The following MARCO variants were observed in gnomAD, a reference collection of about 807,000 sequenced individuals.
The protein encoded by MARCO is macrophage receptor MARCO.
A neutral mutation model predicts 70.0 loss-of-function variants in MARCO; 72 were observed. The observed-to-expected ratio is 1.03, with a 90% CI of 0.85 to 1.25. The LOEUF (loss-of-function observed/expected upper bound fraction) is 1.25. Among genes scored for constraint, MARCO ranks in the 50% most tolerant of loss-of-function variants. The probability of loss-of-function intolerance (pLI) is 0.00; values close to 1 mark genes in which losing one functional copy is unlikely to be tolerated. For missense variants in MARCO, 696 were observed against 659.3 expected, an observed-to-expected ratio of 1.06 and a Z score of -0.61; for synonymous variants, 273 against 243.1, an observed-to-expected ratio of 1.12 and a Z score of -1.14.
At chr2:118,993,797 G>A (rs1680669705) in intron 16 of MARCO, among the ~76,000 whole-genome samples, 1 of 152,346 alleles carries the variant, frequency 6.6e-6, no homozygotes, top group East Asian at 1.9e-4. Flanking sequence ...TTACTAAAAT[G>A]TGTGGAAAAT....
intron 1 of MARCO, among the ~76,000 whole-genome samples, chr2:118,962,254 G>T (rs1182339089): frequency 6.6e-6 from 1 of 152,178 alleles, no homozygotes; most frequent in African/African-American, 2.4e-5. Flanking sequence ...ATTCTGTGAA[G>T]AATGTCAGTG....
chr2:118,962,626 T>G (rs1022004185), intron 1 of MARCO, among the ~76,000 whole-genome samples: 1 of 152,244 alleles, frequency 6.6e-6, no homozygotes, highest in Non-Finnish European at 1.5e-5. Context: ...CATTCTGATC[T>G]CATAAAATGA....
intron 12 of MARCO, among the ~76,000 whole-genome samples, chr2:118,988,612 G>C (rs1016281561): frequency 1.1e-4 from 16 of 152,044 alleles, no homozygotes; most frequent in African/African-American, 3.9e-4. Context: ...TGACCTCCCT[G>C]GATGTGGACT....
chr2:118,971,406 A>G lies in MARCO; in HGVS notation c.425-93A>G, dbSNP rs537238479. On this transcript the variant is annotated intron_variant, in intron 3 of 16. Coordinates refer to ENST00000327097, the MANE Select transcript of MARCO (RefSeq NM_006770.4). ...ATGGGAGCCCCACACAGGAGGGCTT[A>G]CCCTCCCACTGCAGAACCTGGGCAC... 13 of 1,205,800 alleles carry G rather than the reference A, an allele frequency of 1.1e-5. No individual in the cohort carries two copies. In the East Asian group the frequency reaches 3.1e-4, roughly 28 times the overall value. The allele number at this position is 1,205,800 out of a possible 1,614,324, so 74.7% of individuals were successfully genotyped here. A position where few individuals can be genotyped will look rare whatever the true frequency, so the allele number is the denominator to read the frequency against.
intron 12 of MARCO, among the ~76,000 whole-genome samples, chr2:118,988,217 G>A (rs1680552426): frequency 6.6e-6 from 1 of 152,146 alleles, no homozygotes. Flanking sequence ...GGAAGGGAGA[G>A]TGTGGGAAAT....
At chr2:118,947,667 C>A (rs1558827915) in intron 1 of MARCO, among the ~76,000 whole-genome samples, 1 of 152,174 alleles carries the variant, frequency 6.6e-6, no homozygotes, top group Non-Finnish European at 1.5e-5. Flanking sequence ...TCTCATTCTG[C>A]ATTCTTTATT....
chr2:118,992,778 T>C (rs1377184387), intron 15 of MARCO, among the ~76,000 whole-genome samples: 1 of 149,882 alleles, frequency 6.7e-6, no homozygotes, highest in African/African-American at 2.4e-5. Flanking sequence ...CCATCCCTCC[T>C]TCCTTTCCCT....
At chr2:118,958,524 A>G (rs1006674250) in intron 1 of MARCO, among the ~76,000 whole-genome samples, 1 of 152,194 alleles carries the variant, frequency 6.6e-6, no homozygotes, top group African/African-American at 2.4e-5. Context: ...AACAAATGGA[A>G]ACACATCCCA....
rs575559222 is a variant in MARCO at position 118,954,462 on chromosome 2, G to C, written c.97+12065G>C. ...TCATACATGCCTAGTCCCACCCCTG[G>C]ACCTGATGGTCCTTCCCTACCTGCC... On this transcript the variant is annotated intron_variant, in intron 1 of 16. Transcript: ENST00000327097. 1.2e-4 allele frequency among the ~76,000 whole-genome samples: 18 copies of C among 152,262 alleles called. No homozygotes were observed. The South Asian group carries it at 3.5e-3, about 30-fold the overall frequency.
At chr2:118,965,097 C>T (rs546574378) in intron 1 of MARCO, among the ~76,000 whole-genome samples, 1 of 151,958 alleles carries the variant, frequency 6.6e-6, no homozygotes, top group Admixed American at 6.6e-5. Context: ...TTAGATCTTC[C>T]ACGAAATTAG....
chr2:118,969,240 G>C lies in MARCO; in HGVS notation c.178G>C (p.Ala60Pro), dbSNP rs535947483. The change falls in exon 2 of 17, where the codon GCT (alanine) becomes CCT (proline). Residue 60 changes from alanine (A) to proline (P), a missense_variant. Ala to Pro is a conservative substitution (Grantham distance 27, BLOSUM62 -1). Coordinates refer to ENST00000327097, the MANE Select transcript of MARCO (RefSeq NM_006770.4). ...CTACCTGATCCTGCTCACCGCTGGC[G>C]CTGGGCTGCTGGTGGTCCAAGGTAA... ...VIYLILLTAG[A>P]GLLVVQVLNL... is the part of the protein sequence containing the mutation. 1,666 of 1,614,118 alleles carry C rather than the reference G, an allele frequency of 1.0e-3. 25 individuals carry two copies. The South Asian group carries it at 0.017, about 17-fold the overall frequency.
At chr2:118,964,859 G>C (rs963802367) in intron 1 of MARCO, among the ~76,000 whole-genome samples, 3 of 147,820 alleles carry the variant, frequency 2.0e-5, no homozygotes, top group African/African-American at 7.5e-5. Flanking sequence ...GTACACTCCA[G>C]CCTGGGCGAC....
At chr2:118,993,041 C>T in intron 15 of MARCO, 83 bp from the exon 16 acceptor site, 1 of 1,235,750 alleles carries the variant, frequency 8.1e-7, no homozygotes, top group Non-Finnish European at 1.2e-6. Context: ...CTGTAGAACT[C>T]CAAAATGAAA....
intron 1 of MARCO, among the ~76,000 whole-genome samples, chr2:118,944,372 G>C (rs973199286): frequency 2.0e-5 from 3 of 152,162 alleles, no homozygotes; most frequent in Non-Finnish European, 4.4e-5. Context: ...CTTTCTAGAA[G>C]AGTGCCATTA....
intron 13 of MARCO, among the ~76,000 whole-genome samples, chr2:118,991,292 G>A: frequency 7.1e-6 from 1 of 140,294 alleles, no homozygotes; most frequent in South Asian, 2.2e-4. Flanking sequence ...CAAATTCTCT[G>A]TGTCACCCAG....
rs374351269 is a variant in MARCO at position 118,970,294 on chromosome 2, A to G, written c.380A>G (p.His127Arg). 23 of 1,613,954 alleles carry G rather than the reference A, an allele frequency of 1.4e-5. No homozygotes were observed. Among genetic ancestry groups the G allele is most frequent in the Non-Finnish European group, 1.9e-5 (22 of 1,180,016 alleles). Reference sequence around the variant, plus strand: ...CAACTCACCTGGGTCCGCGTCAGCCATGAGCACTTGCTGCAGCGGGTAGAC... The same window carrying G: ...CAACTCACCTGGGTCCGCGTCAGCCGTGAGCACTTGCTGCAGCGGGTAGAC... ...QAQLTWVRVSHEHLLQRVDNF... is the reference protein window; with the variant it reads ...QAQLTWVRVSREHLLQRVDNF... Residue 127 changes from histidine to arginine, a missense_variant, in exon 3 of 17, where the codon CAT becomes CGT. Around this residue, in one of 3 missense-constraint regions of MARCO, gnomAD observed 605 missense variants for 537.6 expected, o/e 1.13. Coordinates refer to ENST00000327097, the MANE Select transcript of MARCO (RefSeq NM_006770.4).
intron 1 of MARCO, among the ~76,000 whole-genome samples, chr2:118,960,006 T>G (rs1679911663): frequency 6.6e-6 from 1 of 151,906 alleles, no homozygotes; most frequent in African/African-American, 2.4e-5. Flanking sequence ...TACAGGGCAA[T>G]GTATACTGCT....
At chr2:118,946,164 C>T (rs898086609) in intron 1 of MARCO, among the ~76,000 whole-genome samples, 2 of 152,126 alleles carry the variant, frequency 1.3e-5, no homozygotes, top group Non-Finnish European at 2.9e-5. Flanking sequence ...TCTCATTCTC[C>T]CCCAGTGGTA....
intron 1 of MARCO, among the ~76,000 whole-genome samples, chr2:118,951,959 C>T (rs1679730758): frequency 6.6e-6 from 1 of 151,854 alleles, no homozygotes; most frequent in Admixed American, 6.6e-5. Flanking sequence ...CCCTTATTTC[C>T]TCTCCCAGTT....
Sources: allele counts gnomAD v4.1 joint callset (sites outside exome capture counted in the v4.1 genomes callset), GRCh38; gene constraint gnomAD v4.1.1; regional missense constraint gnomAD v4.1.1; transcripts MANE v1.5; gene names NCBI Gene and HGNC (gene_info 2026-07-23, HGNC 2026-07-21).